CLSTN2: variants seen among roughly 807,000 people sequenced by gnomAD.
CLSTN2 encodes calsyntenin-2.
CLSTN2 carries 48 observed loss-of-function variants against 101.2 expected under a neutral mutation model. The observed-to-expected ratio is 0.47, with a 90% CI of 0.38 to 0.60. The LOEUF is 0.60. Among genes scored for constraint, CLSTN2 ranks in the 20% least tolerant of loss-of-function variants. The pLI is 0.00. For synonymous variants in CLSTN2, 481 were observed against 463.6 expected (o/e 1.04, Z -0.48); for missense variants, 1,160 against 1,238.2 (o/e 0.94, Z 0.95).
At chr3:140,287,972 A>C (rs940849268) in intron 2 of CLSTN2, among the ~76,000 whole-genome samples, 1 of 152,198 alleles carries the variant, frequency 6.6e-6, no homozygotes, top group African/African-American at 2.4e-5. Flanking sequence ...TCATCTTTCA[A>C]AATGGGTTTG....
At chr3:140,402,792 G>A (rs1184462805) in intron 2 of CLSTN2, among the ~76,000 whole-genome samples, 1 of 152,206 alleles carries the variant, frequency 6.6e-6, no homozygotes, top group African/African-American at 2.4e-5. Context: ...GGCCCAGACA[G>A]TCAATATCAT....
chr3:139,989,046 T>C (rs1936075796), intron 1 of CLSTN2, among the ~76,000 whole-genome samples: 1 of 152,178 alleles, frequency 6.6e-6, no homozygotes, highest in African/African-American at 2.4e-5. Flanking sequence ...CAATCTGCTT[T>C]ACAATTTGGG....
chr3:140,098,919 A>G (rs1326018636), intron 1 of CLSTN2, among the ~76,000 whole-genome samples: 2 of 152,176 alleles, frequency 1.3e-5, no homozygotes, highest in Non-Finnish European at 2.9e-5. Context: ...AGGCCAGATC[A>G]CAAATCCAGG....
At chr3:140,484,460 A>G (rs1307289241) in intron 8 of CLSTN2, among the ~76,000 whole-genome samples, 2 of 152,104 alleles carry the variant, frequency 1.3e-5, no homozygotes, top group African/African-American at 4.8e-5. Flanking sequence ...GCTCTTCTCA[A>G]GGAGTATCTT....
At chr3:140,323,257 A>G (rs765350845) in intron 2 of CLSTN2, among the ~76,000 whole-genome samples, 4 of 152,152 alleles carry the variant, frequency 2.6e-5, no homozygotes, top group Non-Finnish European at 5.9e-5. Context: ...GTTCTGGACC[A>G]CTGGTCAGGG....
intron 1 of CLSTN2, among the ~76,000 whole-genome samples, chr3:140,131,782 G>C (rs907386993): frequency 6.6e-6 from 1 of 152,048 alleles, no homozygotes; most frequent in African/African-American, 2.4e-5. Flanking sequence ...TTGTGCTTTA[G>C]GGAGCTCACT....
At chr3:140,354,230 G>A (rs1199100792) in intron 2 of CLSTN2, among the ~76,000 whole-genome samples, 4 of 152,166 alleles carry the variant, frequency 2.6e-5, no homozygotes, top group Non-Finnish European at 5.9e-5. Flanking sequence ...ATGTTACCCA[G>A]AGTTGCATGG....
chr3:139,965,569 G>A (rs567206521), intron 1 of CLSTN2, among the ~76,000 whole-genome samples: 1 of 152,326 alleles, frequency 6.6e-6, no homozygotes, highest in African/African-American at 2.4e-5. Flanking sequence ...GAGAAAGAGT[G>A]TCTAGCTATG....
At chr3:140,079,089 C>T (rs1338397258) in intron 1 of CLSTN2, among the ~76,000 whole-genome samples, 1 of 152,114 alleles carries the variant, frequency 6.6e-6, no homozygotes, top group Non-Finnish European at 1.5e-5. Context: ...CAGGATCTCC[C>T]TAGCCAGGGT....
At chr3:140,412,219 T>G (rs1490029176) in intron 4 of CLSTN2, among the ~76,000 whole-genome samples, 2 of 152,204 alleles carry the variant, frequency 1.3e-5, no homozygotes, top group Non-Finnish European at 2.9e-5. Flanking sequence ...TTCTCCATGT[T>G]GGTCAGCCTG....
chr3:140,437,655 A>G (rs949280144), intron 5 of CLSTN2, among the ~76,000 whole-genome samples: 1 of 152,162 alleles, frequency 6.6e-6, no homozygotes, highest in Non-Finnish European at 1.5e-5. Flanking sequence ...CCAGGTGGGC[A>G]CCCCCAGGCA....
At chr3:140,557,991 A>C (rs951059337) in intron 11 of CLSTN2, among the ~76,000 whole-genome samples, 1 of 152,232 alleles carries the variant, frequency 6.6e-6, no homozygotes, top group African/African-American at 2.4e-5. Context: ...TAGATGAAGA[A>C]ACTGAGGTTC....
chr3:140,554,031 T>C (rs1935755514), intron 10 of CLSTN2, among the ~76,000 whole-genome samples: 1 of 152,180 alleles, frequency 6.6e-6, no homozygotes, highest in Non-Finnish European at 1.5e-5. Context: ...GGCTAAGTTC[T>C]GGGATTCAGG....
chr3:140,460,304 G>A (rs952306460), intron 7 of CLSTN2: 14 of 160,668 alleles, frequency 8.7e-5, no homozygotes, highest in African/African-American at 3.4e-4. Context: ...TCACGGCTTG[G>A]TGGTTAAAAG....
chr3:140,167,122 A>G (rs9817495), intron 1 of CLSTN2, among the ~76,000 whole-genome samples: 130,407 of 152,188 alleles, frequency 0.86, 56,017 homozygotes, highest in East Asian at 0.92. Context: ...CATGAAGCCA[A>G]GGTTTGGAAG....
intron 2 of CLSTN2, among the ~76,000 whole-genome samples, chr3:140,338,576 C>T (rs571952201): frequency 6.6e-6 from 1 of 152,250 alleles, no homozygotes; most frequent in Non-Finnish European, 1.5e-5. Flanking sequence ...CCCCCCCGGC[C>T]TCAGTAGTGC....
At chr3:140,107,122 G>A (rs1043223170) in intron 1 of CLSTN2, among the ~76,000 whole-genome samples, 2 of 152,104 alleles carry the variant, frequency 1.3e-5, no homozygotes, top group Non-Finnish European at 1.5e-5. Flanking sequence ...GGACTAGAGG[G>A]CTCCCAACAT....
intron 2 of CLSTN2, among the ~76,000 whole-genome samples, chr3:140,272,349 T>C (rs1282504231): frequency 2.6e-5 from 4 of 152,162 alleles, no homozygotes; most frequent in African/African-American, 9.7e-5. Flanking sequence ...CCATATGCTG[T>C]GAATAAAGTC....
intron 2 of CLSTN2, among the ~76,000 whole-genome samples, chr3:140,188,361 T>C (rs1023597631): frequency 2.6e-5 from 4 of 152,178 alleles, no homozygotes; most frequent in African/African-American, 7.2e-5. Context: ...AGTAAATATT[T>C]GTTGATTTGA....
Sources: gnomAD v4.1 joint callset for allele counts (sites outside exome capture counted in the v4.1 genomes callset) on GRCh38, gnomAD v4.1.1 for gene constraint, MANE v1.5 for transcripts, NCBI Gene and HGNC (gene_info 2026-07-23, HGNC 2026-07-21) for gene names.